The following TOX2 variants were observed in gnomAD, a reference collection of about 807,000 sequenced individuals.
The protein encoded by TOX2 is TOX high mobility group box family member 2, also known as granulosa cell HMG box 1.
A neutral mutation model predicts 47.4 loss-of-function variants in TOX2; 15 were observed. That is an observed-to-expected ratio of 0.32 (90% CI 0.21 to 0.49). The LOEUF is 0.49. Ranked by LOEUF, TOX2 falls within the 20% of genes least tolerant of loss-of-function variation. TOX2 has a pLI of 0.99. For synonymous variants in TOX2, 290 were observed against 296.6 expected, an observed-to-expected ratio of 0.98 and a Z score of 0.23; for missense variants, 622 against 673.1, an observed-to-expected ratio of 0.92 and a Z score of 0.84.
chr20:44,066,047 G>A lies in TOX2; in HGVS notation c.1296G>A (p.Leu432=). Residue 432 remains leucine (L), a synonymous_variant, in exon 7 of 9, where the codon CTG becomes CTA. Coordinates refer to ENST00000341197, the MANE Select transcript of TOX2 (RefSeq NM_001098797.2). The part of the protein sequence containing the change: ...SMSPAPQPPV[L]PTPMALQVQL... ...CCCCAGCCCCCCAGCCCCCTGTCCT[G>A]CCCACCCCCATGGCACTCCAGGTGC... is the stretch of plus-strand genomic sequence containing the variant. 6.3e-7 allele frequency: 1 copy of A among 1,587,910 alleles called. No homozygotes were observed. Among genetic ancestry groups the A allele is most frequent in the South Asian group, 1.1e-5 (1 of 87,052 alleles).
chr20:44,028,331 C>A (rs999903746), intron 3 of TOX2, among the ~76,000 whole-genome samples: 1 of 152,090 alleles, frequency 6.6e-6, no homozygotes, highest in Non-Finnish European at 1.5e-5. Context: ...GAGCCCCCAG[C>A]AGCAGCCTAG....
chr20:44,046,123 C>T (rs1250089902), intron 3 of TOX2, among the ~76,000 whole-genome samples: 1 of 152,238 alleles, frequency 6.6e-6, no homozygotes, highest in Non-Finnish European at 1.5e-5. Flanking sequence ...TCTACCTACA[C>T]ACTGTTTACA....
At chr20:43,954,491 GC>G (rs1287709608) in intron 1 of TOX2, among the ~76,000 whole-genome samples, 1 of 152,204 alleles carries the variant, frequency 6.6e-6, no homozygotes, top group Non-Finnish European at 1.5e-5. Context: ...TTGTGTCCCA[GC>G]CCCCAGGAGC....
chr20:44,018,415 G>A (rs1200511357), intron 3 of TOX2, among the ~76,000 whole-genome samples: 1 of 152,132 alleles, frequency 6.6e-6, no homozygotes, highest in Non-Finnish European at 1.5e-5. Flanking sequence ...AAATCGCAGC[G>A]ACATTCGTCA....
rs2069046580 is a variant in TOX2, at chr20:43,915,575, T to G, written c.99+585T>G. Among the ~76,000 whole-genome samples, 1 of 152,150 alleles carries G rather than the reference T, an allele frequency of 6.6e-6. No individual in the cohort carries two copies. Among genetic ancestry groups the G allele is most frequent in the Admixed American group, 6.5e-5 (1 of 15,286 alleles). On this transcript the variant is annotated intron_variant, in intron 1 of 8. Transcript: ENST00000341197. The surrounding 1 kb of genome is among the most constrained non-coding windows in gnomAD (Gnocchi z 7.1). ...CAGCCACCCCCCTGGACGGTGAGCC[T>G]CAGACACAGATCGTCCTGACGGCCA...
intron 1 of TOX2, among the ~76,000 whole-genome samples, chr20:43,925,628 C>T (rs1249903136): frequency 6.6e-6 from 1 of 152,210 alleles, no homozygotes; most frequent in Admixed American, 6.5e-5. Flanking sequence ...CGCAGGCTTC[C>T]TCTCTCTGGG....
At chr20:43,952,593 G>C (rs1270754289) in intron 1 of TOX2, among the ~76,000 whole-genome samples, 2 of 152,186 alleles carry the variant, frequency 1.3e-5, no homozygotes, top group African/African-American at 4.8e-5. Flanking sequence ...ACCCAGAGGA[G>C]ACCCACGTTG....
rs1569003473 is a variant in TOX2, at chr20:43,927,629, TTCCTTCCTTCCTCC to T, written c.99+12640_99+12653del. On this transcript the variant is annotated intron_variant, in intron 1 of 8. Coordinates refer to ENST00000341197, the MANE Select transcript of TOX2 (RefSeq NM_001098797.2). Reference sequence around the variant, plus strand: ...CCTTCCTTCCTTCCTTCCTTCCTCCTTCCTTCCTTCCTCCCCTTCCCTTCCCTTCCCCTTCCTTC... The same window carrying T: ...CCTTCCTTCCTTCCTTCCTTCCTCCTCCTTCCCTTCCCTTCCCCTTCCTTC... 2.7e-4 allele frequency among the ~76,000 whole-genome samples: 29 copies of T among 105,890 alleles called. 1 individual carries two copies. The highest frequency in any genetic ancestry group is 1.1e-3 in the African/African-American group (28 of 25,650). The allele number at this position is 105,890 out of a possible 152,430, so 69.5% of individuals were successfully genotyped here.
At chr20:43,962,791 C>T (rs2069784941) in intron 1 of TOX2, among the ~76,000 whole-genome samples, 2 of 152,130 alleles carry the variant, frequency 1.3e-5, no homozygotes, top group South Asian at 2.1e-4. Context: ...AGTGTCTAGA[C>T]CAGCACCATC....
chr20:44,053,176 C>T (rs151129960), intron 4 of TOX2, among the ~76,000 whole-genome samples: 2 of 152,314 alleles, frequency 1.3e-5, no homozygotes, highest in African/African-American at 4.8e-5. Flanking sequence ...CTGTGGTGGG[C>T]ATCCCAACAC....
chr20:43,930,136 G>T (rs1426679353), intron 1 of TOX2, among the ~76,000 whole-genome samples: 2 of 152,230 alleles, frequency 1.3e-5, no homozygotes, highest in African/African-American at 4.8e-5. Flanking sequence ...TCCCCATGGT[G>T]TCTGACCTAT....
chr20:43,957,046 C>T (rs1450450393), intron 1 of TOX2, among the ~76,000 whole-genome samples: 4 of 152,228 alleles, frequency 2.6e-5, no homozygotes, highest in Non-Finnish European at 4.4e-5. Context: ...TTTTCTTCCA[C>T]AGAAGATATT....
chr20:44,027,248 T>C (rs976632397), intron 3 of TOX2, among the ~76,000 whole-genome samples: 2 of 150,586 alleles, frequency 1.3e-5, no homozygotes, highest in Non-Finnish European at 3.0e-5. Context: ...TTTGGAAAGA[T>C]GGTTTTAATT....
chr20:43,931,525 T>C (rs73288911), intron 1 of TOX2, among the ~76,000 whole-genome samples: 4,086 of 152,324 alleles, frequency 0.027, 178 homozygotes, highest in African/African-American at 0.09. Context: ...GCCCTTCCCA[T>C]CTGGCATCTC....
intron 1 of TOX2, among the ~76,000 whole-genome samples, chr20:43,958,279 A>G (rs747629850): frequency 2.0e-5 from 3 of 152,092 alleles, no homozygotes; most frequent in African/African-American, 4.8e-5. Flanking sequence ...GCATCCTTCC[A>G]TTACTCTTTC....
At chr20:43,940,844 C>T (rs1036422660) in intron 1 of TOX2, among the ~76,000 whole-genome samples, 10 of 152,178 alleles carry the variant, frequency 6.6e-5, no homozygotes, top group South Asian at 2.1e-4. Flanking sequence ...ACTTCCCTTG[C>T]GTGAGATTTG....
intron 2 of TOX2, among the ~76,000 whole-genome samples, chr20:44,002,853 G>C (rs942346245): frequency 6.6e-6 from 1 of 152,148 alleles, no homozygotes; most frequent in Non-Finnish European, 1.5e-5. Flanking sequence ...ATTACCACAG[G>C]GAGGGTCCCA....
intron 1 of TOX2, among the ~76,000 whole-genome samples, chr20:43,944,184 CTG>C (rs1451137437): frequency 6.6e-6 from 1 of 152,212 alleles, no homozygotes; most frequent in Non-Finnish European, 1.5e-5. Context: ...TGAGCACGCA[CTG>C]TGTGTCAGGC....
At chr20:43,961,769 G>A (rs953855151) in intron 1 of TOX2, among the ~76,000 whole-genome samples, 1 of 152,056 alleles carries the variant, frequency 6.6e-6, no homozygotes, top group African/African-American at 2.4e-5. Flanking sequence ...CTCTGGGGAC[G>A]TGGGGAGTGC....
Sources: allele counts gnomAD v4.1 joint callset (sites outside exome capture counted in the v4.1 genomes callset), GRCh38; gene constraint gnomAD v4.1.1; non-coding constraint Gnocchi (gnomAD v3.1); transcripts MANE v1.5; gene names NCBI Gene and HGNC (gene_info 2026-07-23, HGNC 2026-07-21).